NELL1: variants seen among roughly 807,000 people sequenced by gnomAD.
NELL1 encodes neural EGFL like 1.
Under a neutral mutation model 107.4 loss-of-function variants are expected in NELL1, and 76 were observed. The ratio of observed to expected loss-of-function variants is 0.71; its 90% CI spans 0.59 to 0.86. The LOEUF (loss-of-function observed/expected upper bound fraction) is 0.86. Ranked by LOEUF, NELL1 falls within the 40% of genes least tolerant of loss-of-function variation. The pLI, the probability that NELL1 is intolerant of heterozygous loss-of-function variation, is 0.00. For synonymous variants in NELL1, 353 were observed against 341.2 expected (o/e 1.03, Z -0.38); for missense variants, 1,024 against 1,005.5 (o/e 1.02, Z -0.25).
At chr11:21,302,948 G>A (rs1337117515) in intron 14 of NELL1, among the ~76,000 whole-genome samples, 2 of 151,640 alleles carry the variant, frequency 1.3e-5, no homozygotes, top group African/African-American at 4.8e-5. Flanking sequence ...GTGGTCCTAG[G>A]AACTCAAGAG....
At chr11:21,370,995 AGATT>A in intron 15 of NELL1, 47 bp downstream of exon 15, 24 of 1,338,536 alleles carry the variant, frequency 1.8e-5, no homozygotes, top group Non-Finnish European at 2.5e-5. Flanking sequence ...ATTGGTAGAA[AGATT>A]GATTCAGAAA....
At chr11:21,329,511 G>A (rs1179424117) in intron 14 of NELL1, among the ~76,000 whole-genome samples, 2 of 152,114 alleles carry the variant, frequency 1.3e-5, no homozygotes, top group East Asian at 1.9e-4. Context: ...TTATAGTGAA[G>A]CAAATTAACA....
intron 2 of NELL1, among the ~76,000 whole-genome samples, chr11:20,688,444 T>A (rs1382178729): frequency 6.6e-6 from 1 of 152,104 alleles, no homozygotes; most frequent in African/African-American, 2.4e-5. Flanking sequence ...GTTTATCCAA[T>A]GTTTAGCTCC....
intron 12 of NELL1, among the ~76,000 whole-genome samples, chr11:21,062,714 G>T (rs114198473): frequency 0.011 from 1,698 of 152,286 alleles, 22 homozygotes; most frequent in African/African-American, 0.039. Context: ...TAAATCTGGG[G>T]ATTCTTATGG....
intron 3 of NELL1, among the ~76,000 whole-genome samples, chr11:20,793,288 G>T (rs909859328): frequency 2.6e-5 from 4 of 151,626 alleles, no homozygotes; most frequent in Admixed American, 6.6e-5. Context: ...GGATTTTTTT[G>T]GCAAGTAGTT....
At chr11:21,053,605 C>T (rs925075878) in intron 12 of NELL1, among the ~76,000 whole-genome samples, 1 of 152,088 alleles carries the variant, frequency 6.6e-6, no homozygotes, top group African/African-American at 2.4e-5. Flanking sequence ...GCAGATGGTG[C>T]TAGGAAAACC....
chr11:21,421,571 C>A (rs962404670), intron 15 of NELL1, among the ~76,000 whole-genome samples: 3 of 152,048 alleles, frequency 2.0e-5, no homozygotes, highest in East Asian at 1.9e-4. Context: ...TTGTTGTAAG[C>A]CCTTCTCCAC....
intron 12 of NELL1, among the ~76,000 whole-genome samples, chr11:21,061,095 A>G (rs369990397): frequency 8.5e-5 from 13 of 152,172 alleles, no homozygotes; most frequent in African/African-American, 2.7e-4. Flanking sequence ...CAACCAGCCT[A>G]AATCTGCTGG....
intron 15 of NELL1, among the ~76,000 whole-genome samples, chr11:21,487,460 T>A (rs1854665197): frequency 1.1e-5 from 1 of 95,224 alleles, no homozygotes; most frequent in Non-Finnish European, 2.1e-5. Flanking sequence ...AAGGGAGCCC[T>A]ACACCTGGAA....
intron 14 of NELL1, among the ~76,000 whole-genome samples, chr11:21,355,247 A>G (rs1355580730): frequency 6.6e-6 from 1 of 151,698 alleles, no homozygotes; most frequent in Non-Finnish European, 1.5e-5. Flanking sequence ...TGATGTGTGC[A>G]CCAGTTAGTG....
intron 2 of NELL1, among the ~76,000 whole-genome samples, chr11:20,752,826 A>G (rs566310591): frequency 6.6e-6 from 1 of 152,322 alleles, no homozygotes; most frequent in Non-Finnish European, 1.5e-5. Context: ...ATTGTCCTTG[A>G]AGCAGAAAAT....
At chr11:20,983,543 C>T (rs1475205288) in intron 12 of NELL1, among the ~76,000 whole-genome samples, 1 of 152,162 alleles carries the variant, frequency 6.6e-6, no homozygotes. Flanking sequence ...ATTACATAGT[C>T]ACATATTTAG....
chr11:20,873,646 C>G (rs1379803391), intron 4 of NELL1, among the ~76,000 whole-genome samples: 1 of 152,108 alleles, frequency 6.6e-6, no homozygotes, highest in Non-Finnish European at 1.5e-5. Flanking sequence ...GGTTTAGTAA[C>G]TTGTCCCAAG....
intron 15 of NELL1, among the ~76,000 whole-genome samples, chr11:21,404,522 T>C (rs1321179723): frequency 6.6e-6 from 1 of 151,922 alleles, no homozygotes; most frequent in Non-Finnish European, 1.5e-5. Context: ...TTTCTCAAAA[T>C]ACAAGAAAAC....
At chr11:21,008,157 C>T (rs1852370374) in intron 12 of NELL1, among the ~76,000 whole-genome samples, 2 of 152,164 alleles carry the variant, frequency 1.3e-5, no homozygotes, top group African/African-American at 4.8e-5. Context: ...CAAATAATTA[C>T]AGACTGATCA....
At chr11:21,352,025 A>G (rs1371967554) in intron 14 of NELL1, among the ~76,000 whole-genome samples, 1 of 152,084 alleles carries the variant, frequency 6.6e-6, no homozygotes, top group Non-Finnish European at 1.5e-5. Flanking sequence ...CAATTCCTGG[A>G]CATACTAAGT....
At chr11:20,963,701 A>G (rs1851334774) in intron 12 of NELL1, among the ~76,000 whole-genome samples, 1 of 152,150 alleles carries the variant, frequency 6.6e-6, no homozygotes, top group Non-Finnish European at 1.5e-5. Flanking sequence ...TTGTCTCTCC[A>G]CAGCCTAGAA....
chr11:21,267,789 A>T (rs1341510643), intron 14 of NELL1, among the ~76,000 whole-genome samples: 1 of 152,158 alleles, frequency 6.6e-6, no homozygotes, highest in African/African-American at 2.4e-5. Flanking sequence ...GCAGTCATTT[A>T]TTAAGCCACC....
intron 14 of NELL1, among the ~76,000 whole-genome samples, chr11:21,291,830 T>C (rs1354256722): frequency 3.3e-5 from 5 of 152,082 alleles, no homozygotes; most frequent in Non-Finnish European, 5.9e-5. Flanking sequence ...AAAAACCACA[T>C]GATTATCTCA....
Sources: gnomAD v4.1 joint callset for allele counts (sites outside exome capture counted in the v4.1 genomes callset) on GRCh38, gnomAD v4.1.1 for gene constraint, MANE v1.5 for transcripts, NCBI Gene and HGNC (gene_info 2026-07-23, HGNC 2026-07-21) for gene names.